The following MED12L variants were observed in gnomAD, a reference collection of about 807,000 sequenced individuals.
MED12L encodes mediator complex subunit 12L.
A neutral mutation model predicts 281.3 loss-of-function variants in MED12L; 60 were observed. That is an observed-to-expected ratio of 0.21 (90% CI 0.17 to 0.26). The LOEUF is 0.26. Ranked by LOEUF, MED12L falls within the 10% of genes least tolerant of loss-of-function variation. The pLI is 1.00. For missense variants in MED12L, 2,146 were observed against 2,680.9 expected (o/e 0.80, Z 4.41); for synonymous variants, 974 against 987.2 (o/e 0.99, Z 0.25).
At chr3:151,287,366 A>G (rs750323777) in intron 16 of MED12L, among the ~76,000 whole-genome samples, 32 of 152,202 alleles carry the variant, frequency 2.1e-4, no homozygotes, top group Non-Finnish European at 4.6e-4. Flanking sequence ...AGTGGGTACC[A>G]GGCCAGGCAG....
intron 33 of MED12L, among the ~76,000 whole-genome samples, chr3:151,383,364 A>G (rs1712743763): frequency 6.6e-6 from 1 of 152,198 alleles, no homozygotes; most frequent in African/African-American, 2.4e-5. Context: ...ATGTTTCCAT[A>G]TGGTATTATG....
intron 39 of MED12L, among the ~76,000 whole-genome samples, chr3:151,409,025 A>G (rs986011914): frequency 1.3e-5 from 2 of 152,244 alleles, no homozygotes; most frequent in African/African-American, 4.8e-5. Flanking sequence ...TGGCTTTGTT[A>G]TCATTGGGAA....
At chr3:151,120,278 A>G (rs1713557034) in intron 3 of MED12L, among the ~76,000 whole-genome samples, 1 of 152,040 alleles carries the variant, frequency 6.6e-6, no homozygotes, top group Non-Finnish European at 1.5e-5. Context: ...CTTACCTCTT[A>G]TACCTTGTTT....
chr3:151,107,650 A>C (rs1224032939), intron 2 of MED12L, among the ~76,000 whole-genome samples: 1 of 152,238 alleles, frequency 6.6e-6, no homozygotes, highest in African/African-American at 2.4e-5. Flanking sequence ...ATAATAAAAT[A>C]GATTAAATGA....
chr3:151,162,097 T>A (rs555164302), intron 8 of MED12L, among the ~76,000 whole-genome samples: 13 of 152,270 alleles, frequency 8.5e-5, no homozygotes, highest in Admixed American at 2.6e-4. Context: ...GAGTTAAAAA[T>A]ATATATATAT....
intron 16 of MED12L, among the ~76,000 whole-genome samples, chr3:151,216,182 A>G (rs1340211488): frequency 6.6e-6 from 1 of 152,208 alleles, no homozygotes; most frequent in African/African-American, 2.4e-5. Context: ...TTAGGGCATT[A>G]GATAGTTAAA....
At chr3:151,252,888 T>C (rs1446193510) in intron 16 of MED12L, among the ~76,000 whole-genome samples, 1 of 152,160 alleles carries the variant, frequency 6.6e-6, no homozygotes, top group African/African-American at 2.4e-5. Flanking sequence ...TCCAATTTTA[T>C]TGATTTAAAG....
chr3:151,342,164 C>T (rs1219154939), intron 16 of MED12L, among the ~76,000 whole-genome samples: 1 of 152,206 alleles, frequency 6.6e-6, no homozygotes, highest in African/African-American at 2.4e-5. Context: ...CTGACTTCCA[C>T]AATGGTTGAA....
chr3:151,294,631 C>T (rs1485546090), intron 16 of MED12L: 7 of 1,614,024 alleles, frequency 4.3e-6, no homozygotes, highest in Admixed American at 1.7e-5. Flanking sequence ...AGGTGACTGC[C>T]GTATGCCATT....
chr3:151,155,316 C>T (rs1719133521), intron 5 of MED12L, among the ~76,000 whole-genome samples: 1 of 152,258 alleles, frequency 6.6e-6, no homozygotes, highest in Non-Finnish European at 1.5e-5. Flanking sequence ...TCACATCCCT[C>T]ATGGTTGCCA....
At chr3:151,350,010 A>G (rs1006472327) in intron 16 of MED12L, 49 bp from the exon 17 acceptor site, 2 of 1,580,330 alleles carry the variant, frequency 1.3e-6, no homozygotes, top group Non-Finnish European at 8.6e-7. Context: ...ATGAAATGCA[A>G]CCCCACCCCT....
intron 16 of MED12L, chr3:151,198,619 A>G (rs1321283366): frequency 8.7e-6 from 14 of 1,613,864 alleles, no homozygotes; most frequent in South Asian, 5.5e-5. Flanking sequence ...TGGTTGAGCA[A>G]TCAGTTATGA....
intron 11 of MED12L, among the ~76,000 whole-genome samples, chr3:151,167,946 T>G (rs547585628): frequency 6.6e-6 from 1 of 152,338 alleles, no homozygotes; most frequent in East Asian, 1.9e-4. Context: ...CTACATTGTT[T>G]CCTGGTGAGG....
chr3:151,299,679 A>G (rs565410731), intron 16 of MED12L, among the ~76,000 whole-genome samples: 159 of 152,048 alleles, frequency 1.0e-3, no homozygotes, highest in African/African-American at 3.4e-3. Context: ...TTTTCCAAAT[A>G]GTTACCCAGT....
intron 16 of MED12L, among the ~76,000 whole-genome samples, chr3:151,305,093 C>G (rs1442030401): frequency 6.6e-6 from 1 of 152,212 alleles, no homozygotes; most frequent in Non-Finnish European, 1.5e-5. Flanking sequence ...ATCAGTGCCT[C>G]AGCTTCAGCG....
chr3:151,241,967 CA>C (rs1274363047), intron 16 of MED12L: 2 of 153,232 alleles, frequency 1.3e-5, no homozygotes, highest in African/African-American at 4.8e-5. Context: ...TTGGGAAGCA[CA>C]AGGGGTCAGG....
chr3:151,382,274 C>T (rs1712515772), intron 32 of MED12L, among the ~76,000 whole-genome samples: 1 of 152,068 alleles, frequency 6.6e-6, no homozygotes, highest in Admixed American at 6.6e-5. Context: ...TTCAGCAAGT[C>T]CCTAGAAATA....
At chr3:151,098,037 G>A (rs1158048160) in intron 2 of MED12L, among the ~76,000 whole-genome samples, 1 of 152,236 alleles carries the variant, frequency 6.6e-6, no homozygotes, top group Non-Finnish European at 1.5e-5. Context: ...AAGGGTCGCA[G>A]GACAAAATGA....
chr3:151,213,411 A>G, intron 16 of MED12L: 2 of 1,614,106 alleles, frequency 1.2e-6, no homozygotes, highest in African/African-American at 1.3e-5. Flanking sequence ...AGATTTCCCT[A>G]AACGGCTGGC....
Sources: gnomAD v4.1 joint callset for allele counts (sites outside exome capture counted in the v4.1 genomes callset) on GRCh38, gnomAD v4.1.1 for gene constraint, MANE v1.5 for transcripts, NCBI Gene and HGNC (gene_info 2026-07-23, HGNC 2026-07-21) for gene names.